The following LHFPL3 variants were observed in gnomAD, a reference collection of about 807,000 sequenced individuals.
LHFPL3 encodes the protein LHFPL tetraspan subfamily member 3 protein.
Under a neutral mutation model 19.3 loss-of-function variants are expected in LHFPL3, and 5 were observed. The observed-to-expected ratio is 0.26, with a 90% confidence interval of 0.14 to 0.54. LHFPL3 has a LOEUF of 0.54. Ranked by LOEUF, LHFPL3 falls within the 20% of genes least tolerant of loss-of-function variation. The pLI, the probability that LHFPL3 is intolerant of heterozygous loss-of-function variation, is 0.94. For missense variants in LHFPL3, 249 were observed against 307.4 expected (o/e 0.81, Z 1.42); for synonymous variants, 133 against 126.2 (o/e 1.05, Z -0.36).
At chr7:104,753,798 C>A (rs1399886253) in intron 2 of LHFPL3, among the ~76,000 whole-genome samples, 1 of 152,062 alleles carries the variant, frequency 6.6e-6, no homozygotes, top group Non-Finnish European at 1.5e-5. Flanking sequence ...TAAAGAAATG[C>A]CCAAATAATT....
intron 1 of LHFPL3, among the ~76,000 whole-genome samples, chr7:104,553,516 C>G (rs1484940419): frequency 6.6e-6 from 1 of 152,134 alleles, no homozygotes; most frequent in Admixed American, 6.6e-5. Context: ...AAATTTTTAA[C>G]CCTAGCTCTC....
intron 1 of LHFPL3, among the ~76,000 whole-genome samples, chr7:104,410,043 C>A (rs996620513): frequency 6.6e-6 from 1 of 152,120 alleles, no homozygotes; most frequent in Non-Finnish European, 1.5e-5. Flanking sequence ...ATGAGAAAAA[C>A]CACTTGAAAC....
chr7:104,475,955 C>T (rs951792992), intron 1 of LHFPL3, among the ~76,000 whole-genome samples: 1 of 152,052 alleles, frequency 6.6e-6, no homozygotes, highest in Admixed American at 6.6e-5. Context: ...TGAACAGATA[C>T]TGTCACTGAC....
chr7:104,422,148 G>A (rs960737224), intron 1 of LHFPL3, among the ~76,000 whole-genome samples: 1 of 152,158 alleles, frequency 6.6e-6, no homozygotes, highest in Non-Finnish European at 1.5e-5. Flanking sequence ...ATCATTGGAG[G>A]TCAGGAGTTC....
At chr7:104,440,115 C>T (rs1271072816) in intron 1 of LHFPL3, among the ~76,000 whole-genome samples, 2 of 150,952 alleles carry the variant, frequency 1.3e-5, no homozygotes, top group Admixed American at 1.3e-4. Flanking sequence ...CAGCATGGCG[C>T]ATGTATACAT....
At chr7:104,810,138 G>C (rs1790437240) in intron 2 of LHFPL3, among the ~76,000 whole-genome samples, 1 of 152,186 alleles carries the variant, frequency 6.6e-6, no homozygotes, top group African/African-American at 2.4e-5. Context: ...CATGGGCACA[G>C]TGCTTCCTAA....
intron 1 of LHFPL3, among the ~76,000 whole-genome samples, chr7:104,527,918 A>G (rs1354297574): frequency 1.3e-5 from 2 of 152,246 alleles, no homozygotes; most frequent in Non-Finnish European, 2.9e-5. Flanking sequence ...TATACTTTTA[A>G]TATTCAAAAA....
At chr7:104,371,248 TA>T (rs145166064) in intron 1 of LHFPL3, among the ~76,000 whole-genome samples, 1,654 of 152,228 alleles carry the variant, frequency 0.011, 40 homozygotes, top group African/African-American at 0.037. Context: ...TATTTTTAAT[TA>T]AAAAAAATTA....
At chr7:104,798,819 A>C (rs927818656) in intron 2 of LHFPL3, among the ~76,000 whole-genome samples, 2 of 152,204 alleles carry the variant, frequency 1.3e-5, no homozygotes, top group African/African-American at 2.4e-5. Flanking sequence ...TTTAAAGAAC[A>C]TTTTTAAAAC....
rs1554349396 is a variant in LHFPL3 at position 104,833,038 on chromosome 7, T to TATATCTATTATATATTATATATAATAG, written c.683-73145_683-73144insCTATTATATATTATATATAATAGATAT. On this transcript the variant is annotated intron_variant, in intron 2 of 2. Transcript: ENST00000424859. ...TTATATATAATAGATATATTATATA[T>TATATCTATTATATATTATATATAATAG]ATATATTATATATATATTATATATA... Among the ~76,000 whole-genome samples the TATATCTATTATATATTATATATAATAG allele has an allele frequency of 2.7e-3, 58 of 21,606 alleles. 5 individuals carry two copies. The highest frequency in any genetic ancestry group is 3.7e-3 in the Non-Finnish European group (55 of 14,802). 14.2% of individuals were successfully genotyped at this position (21,606 alleles called of 152,430 possible).
chr7:104,668,761 T>C, intron 1 of LHFPL3: 1 of 1,511,234 alleles, frequency 6.6e-7, no homozygotes, highest in Non-Finnish European at 8.9e-7. Context: ...AGCCTCGGAG[T>C]ACTCCTAAGG....
intron 2 of LHFPL3, among the ~76,000 whole-genome samples, chr7:104,852,923 CCT>C (rs1372663171): frequency 5.9e-5 from 9 of 152,182 alleles, no homozygotes; most frequent in Non-Finnish European, 1.3e-4. Flanking sequence ...ACCCTGAAAC[CCT>C]GAGCCCTGAC....
intron 1 of LHFPL3, among the ~76,000 whole-genome samples, chr7:104,465,379 T>G (rs909624633): frequency 3.3e-5 from 5 of 152,354 alleles, no homozygotes; most frequent in African/African-American, 1.2e-4. Context: ...AGTTCCAAAG[T>G]TGATTCCACA....
At chr7:104,407,014 C>T (rs1465698133) in intron 1 of LHFPL3, among the ~76,000 whole-genome samples, 3 of 152,150 alleles carry the variant, frequency 2.0e-5, no homozygotes, top group African/African-American at 7.2e-5. Flanking sequence ...TTTGGGGCAC[C>T]ACAGGGGACC....
At chr7:104,428,295 A>T (rs1562894325) in intron 1 of LHFPL3, among the ~76,000 whole-genome samples, 1 of 152,134 alleles carries the variant, frequency 6.6e-6, no homozygotes, top group Non-Finnish European at 1.5e-5. Context: ...GCCCTAAAAT[A>T]CTTATTAATT....
At chr7:104,627,157 C>G (rs889038763) in intron 1 of LHFPL3, among the ~76,000 whole-genome samples, 7 of 152,120 alleles carry the variant, frequency 4.6e-5, no homozygotes, top group Admixed American at 6.6e-5. Flanking sequence ...CTGGTAACCA[C>G]CATTCTATTC....
At chr7:104,668,990 G>T (rs1792419639) in intron 1 of LHFPL3, 2 of 1,612,104 alleles carry the variant, frequency 1.2e-6, no homozygotes, top group East Asian at 2.2e-5. Flanking sequence ...GAACGGGAAC[G>T]GTCGAGGACA....
At chr7:104,842,242 C>G (rs1791227728) in intron 2 of LHFPL3, among the ~76,000 whole-genome samples, 1 of 132,152 alleles carries the variant, frequency 7.6e-6, no homozygotes, top group African/African-American at 2.9e-5. Flanking sequence ...AAAATACTCT[C>G]AAAGTTACTC....
intron 1 of LHFPL3, among the ~76,000 whole-genome samples, chr7:104,421,767 G>T (rs1791737382): frequency 6.6e-6 from 1 of 152,198 alleles, no homozygotes; most frequent in Admixed American, 6.5e-5. Flanking sequence ...GTAAAGAAAA[G>T]ATAGCTGATA....
Sources: allele counts gnomAD v4.1 joint callset (sites outside exome capture counted in the v4.1 genomes callset), GRCh38; gene constraint gnomAD v4.1.1; transcripts MANE v1.5; gene names NCBI Gene and HGNC (gene_info 2026-07-23, HGNC 2026-07-21).